The following IL1RAPL1 variants were observed in gnomAD, a reference collection of about 807,000 sequenced individuals.
IL1RAPL1 encodes interleukin-1 receptor accessory protein-like 1.
Under a neutral mutation model 48.4 loss-of-function variants are expected in IL1RAPL1, and 3 were observed. That is an observed-to-expected ratio of 0.06 (90% CI 0.03 to 0.16). IL1RAPL1 has a LOEUF of 0.16. Ranked by LOEUF, IL1RAPL1 falls within the 10% of genes least tolerant of loss-of-function variation. The probability of loss-of-function intolerance (pLI) is 1.00; values close to 1 mark genes in which losing one functional copy is unlikely to be tolerated. For synonymous variants in IL1RAPL1, 185 were observed against 187.7 expected, an observed-to-expected ratio of 0.99 and a Z score of 0.12; for missense variants, 349 against 530.6, an observed-to-expected ratio of 0.66 and a Z score of 3.36.
chrX:29,084,944 C>T (rs1480990410), intron 2 of IL1RAPL1, among the ~76,000 whole-genome samples: 3 of 112,039 alleles, frequency 2.7e-5, no homozygotes, highest in Non-Finnish European at 5.6e-5. Context: ...CCACCTGCCT[C>T]GGCCTCCCAA....
chrX:29,456,887 C>T (rs764132614), intron 5 of IL1RAPL1, among the ~76,000 whole-genome samples: 1 of 111,588 alleles, frequency 9.0e-6, no homozygotes. Flanking sequence ...AATCCCAACA[C>T]TTTGTGAGGC....
chrX:29,803,599 GTATA>G (rs1207133662), intron 6 of IL1RAPL1, among the ~76,000 whole-genome samples: 3 of 101,233 alleles, frequency 3.0e-5, no homozygotes, highest in Admixed American at 2.2e-4. Flanking sequence ...ATATGTGTGT[GTATA>G]TATACACGTG....
At chrX:29,755,622 A>G (rs1355916731) in intron 6 of IL1RAPL1, among the ~76,000 whole-genome samples, 1 of 112,473 alleles carries the variant, frequency 8.9e-6, no homozygotes, top group Non-Finnish European at 1.9e-5. Flanking sequence ...CAGTCCAAAG[A>G]AAGTGCTCAT....
rs1222347175 is a variant in IL1RAPL1 at position 28,901,930 on chromosome X, AAAT to A, written c.82+112509_82+112511del. Among the ~76,000 whole-genome samples the A allele has an allele frequency of 2.7e-5, 3 of 111,688 alleles. No homozygotes were observed. The Admixed American group carries it at 2.9e-4, about 11-fold the overall frequency. On this transcript the variant is annotated intron_variant, in intron 2 of 10. Transcript: ENST00000378993. ...TTGGGTTAGTTTATATATAACCCAGAAATAATGGCTATGTGACTCCCACTCTAT... is the reference window on the plus strand; with the variant it reads ...TTGGGTTAGTTTATATATAACCCAGAAATGGCTATGTGACTCCCACTCTAT...
At chrX:29,028,232 C>T (rs1463696630) in intron 2 of IL1RAPL1, among the ~76,000 whole-genome samples, 2 of 108,565 alleles carry the variant, frequency 1.8e-5, no homozygotes, top group Non-Finnish European at 3.8e-5. Flanking sequence ...TGTCCTTTGA[C>T]TCCCCTCCTC....
At chrX:29,544,255 G>A (rs973307446) in intron 5 of IL1RAPL1, among the ~76,000 whole-genome samples, 1 of 111,668 alleles carries the variant, frequency 9.0e-6, no homozygotes, top group Non-Finnish European at 1.9e-5. Flanking sequence ...TCAGTTAATG[G>A]AAAAATACAA....
At chrX:29,778,321 C>T (rs1048563816) in intron 6 of IL1RAPL1, among the ~76,000 whole-genome samples, 3 of 110,778 alleles carry the variant, frequency 2.7e-5, no homozygotes, top group African/African-American at 9.8e-5. Flanking sequence ...AGGGGAGTGC[C>T]GGGGGAAAAT....
intron 6 of IL1RAPL1, among the ~76,000 whole-genome samples, chrX:29,816,781 C>G (rs904188212): frequency 9.0e-6 from 1 of 110,598 alleles, no homozygotes; most frequent in Non-Finnish European, 1.9e-5. Context: ...CCTCCCCCCC[C>G]ACTGAAATTT....
At chrX:29,851,005 A>G (rs1475192016) in intron 6 of IL1RAPL1, among the ~76,000 whole-genome samples, 1 of 111,523 alleles carries the variant, frequency 9.0e-6, no homozygotes, top group Non-Finnish European at 1.9e-5. Context: ...TGACATCTGA[A>G]TCCCAGTATC....
chrX:29,836,158 T>C (rs906063735), intron 6 of IL1RAPL1, among the ~76,000 whole-genome samples: 5 of 103,164 alleles, frequency 4.8e-5, no homozygotes, highest in Non-Finnish European at 1.0e-4. Context: ...CTGTAGCCCA[T>C]AGATTTTGGT....
At chrX:29,070,328 T>C (rs1927539841) in intron 2 of IL1RAPL1, among the ~76,000 whole-genome samples, 1 of 111,564 alleles carries the variant, frequency 9.0e-6, no homozygotes, top group Admixed American at 9.6e-5. Flanking sequence ...TTGTCTTAAC[T>C]GTATGAACCT....
chrX:29,724,294 C>T (rs1263649641), intron 6 of IL1RAPL1, among the ~76,000 whole-genome samples: 1 of 111,312 alleles, frequency 9.0e-6, no homozygotes, highest in African/African-American at 3.3e-5. Flanking sequence ...TGACCACTCC[C>T]TCAGGAAATC....
At chrX:29,919,186 C>T (rs1969174214) in intron 7 of IL1RAPL1, among the ~76,000 whole-genome samples, 1 of 112,084 alleles carries the variant, frequency 8.9e-6, no homozygotes, top group African/African-American at 3.2e-5. Context: ...TGTACTAAAA[C>T]ATTTTTCTGC....
At chrX:28,937,457 A>G (rs1175719480) in intron 2 of IL1RAPL1, among the ~76,000 whole-genome samples, 2 of 111,367 alleles carry the variant, frequency 1.8e-5, no homozygotes, top group African/African-American at 6.5e-5. Context: ...GCCATTTTAG[A>G]TATCATTAGT....
In IL1RAPL1 at chrX:29,157,555, A is replaced by G. The variant is rs73631637; in HGVS notation, c.83-125383A>G. Among the ~76,000 whole-genome samples, 1,041 of 111,940 alleles carry G rather than the reference A, an allele frequency of 9.3e-3. 11 individuals are homozygous for G. The highest frequency in any genetic ancestry group is 0.032 in the African/African-American group (985 of 30,824). ...CACACTGCAGATATTTACCCTAAAT[A>G]TCTCAGTGTATTTTAATACATGGAA... is the stretch of plus-strand genomic sequence containing the variant. On this transcript the variant is annotated intron_variant, in intron 2 of 10. Coordinates refer to ENST00000378993, the MANE Select transcript of IL1RAPL1 (RefSeq NM_014271.4).
chrX:28,979,343 C>G (rs759968935), intron 2 of IL1RAPL1, among the ~76,000 whole-genome samples: 4 of 112,120 alleles, frequency 3.6e-5, no homozygotes, highest in African/African-American at 1.3e-4. Context: ...TTTTCTTATA[C>G]TTTGTTCAAT....
At position 29,920,062 on chromosome X, in the gene IL1RAPL1, G is replaced by A. The variant is rs779866333; in HGVS notation, c.1025G>A (p.Arg342His). 4 of 1,211,379 alleles carry A rather than the reference G, an allele frequency of 3.3e-6. No homozygotes were observed. The highest frequency in any genetic ancestry group is 1.8e-5 in the South Asian group (1 of 56,986). Residue 342 changes from arginine to histidine, a missense_variant, in exon 8 of 11, where the codon CGT becomes CAT. Arg to His is a conservative substitution (Grantham distance 29, BLOSUM62 0). Transcript: ENST00000378993. The stretch of plus-strand genomic sequence containing the variant: ...TGTTATGTTGAAAATGGAAATGGAC[G>A]TCGACACGCCAGCGTTCTCCTTCAT... Reference protein sequence around the residue: ...YSCYVENGNGRRHASVLLHKR... With the variant: ...YSCYVENGNGHRHASVLLHKR...
At chrX:29,782,076 ATCTG>A (rs72074858) in intron 6 of IL1RAPL1, among the ~76,000 whole-genome samples, 9,433 of 94,974 alleles carry the variant, frequency 0.099, 539 homozygotes, top group African/African-American at 0.2. Context: ...ATCCATATCT[ATCTG>A]TCTGTCTGTC....
chrX:29,745,706 C>G (rs1928322005), intron 6 of IL1RAPL1, among the ~76,000 whole-genome samples: 1 of 110,302 alleles, frequency 9.1e-6, no homozygotes, highest in Non-Finnish European at 1.9e-5. Flanking sequence ...CTCGGCCTCC[C>G]AAAGTACTAG....
Sources: gnomAD v4.1 joint callset for allele counts (sites outside exome capture counted in the v4.1 genomes callset) on GRCh38, gnomAD v4.1.1 for gene constraint, MANE v1.5 for transcripts, NCBI Gene and HGNC (gene_info 2026-07-23, HGNC 2026-07-21) for gene names.